Variants in CCSER1 observed in about 807,000 individuals in gnomAD.
CCSER1 encodes coiled-coil serine rich protein 1.
A neutral mutation model predicts 82.0 loss-of-function variants in CCSER1; 41 were observed. The observed-to-expected ratio is 0.50, with a 90% CI of 0.39 to 0.65. The LOEUF (loss-of-function observed/expected upper bound fraction) is 0.65, where lower values mean the gene tolerates loss of function less well. CCSER1 is among the 30% of genes least tolerant of loss of function. CCSER1 has a pLI of 0.00. For synonymous variants in CCSER1, 414 were observed against 383.9 expected (o/e 1.08, Z -0.92); for missense variants, 1,119 against 1,064.2 (o/e 1.05, Z -0.72).
chr4:90,783,036 G>A (rs1372132652), intron 7 of CCSER1, among the ~76,000 whole-genome samples: 2 of 152,004 alleles, frequency 1.3e-5, no homozygotes, highest in Non-Finnish European at 2.9e-5. Context: ...CTGCCTCCCT[G>A]GTTCAAGTAA....
intron 10 of CCSER1, among the ~76,000 whole-genome samples, chr4:91,150,422 C>T (rs1166278349): frequency 6.6e-6 from 1 of 152,176 alleles, no homozygotes; most frequent in East Asian, 1.9e-4. Flanking sequence ...ATGTCATCTG[C>T]AAACAGGGAC....
At chr4:90,358,694 T>C (rs1442930503) in intron 3 of CCSER1, among the ~76,000 whole-genome samples, 1 of 152,114 alleles carries the variant, frequency 6.6e-6, no homozygotes, top group Non-Finnish European at 1.5e-5. Context: ...GAAGATTACA[T>C]TTGGGGGAGA....
At position 90,427,244 on chromosome 4, in the gene CCSER1, A is replaced by C. The variant is rs367724024; in HGVS notation, c.1603+27115A>C. Among the ~76,000 whole-genome samples the C allele has an allele frequency of 2.6e-5, 4 of 151,936 alleles. No individual in the cohort carries two copies. In the East Asian group the frequency reaches 5.8e-4, roughly 22 times the overall value. On this transcript the variant is annotated intron_variant, in intron 4 of 10. Coordinates refer to ENST00000509176, the MANE Select transcript of CCSER1 (RefSeq NM_001145065.2). ...GTAACTAACATTGGAGAATTCGGAC[A>C]AAAATTATTAAATTATGTTAAAAAA...
At chr4:90,836,781 G>T (rs768395999) in intron 8 of CCSER1, among the ~76,000 whole-genome samples, 1 of 152,136 alleles carries the variant, frequency 6.6e-6, no homozygotes, top group Non-Finnish European at 1.5e-5. Flanking sequence ...TTCATCAAGT[G>T]TTCATCCCCT....
chr4:90,268,847 T>A (rs1725727167), intron 1 of CCSER1, among the ~76,000 whole-genome samples: 1 of 150,956 alleles, frequency 6.6e-6, no homozygotes, highest in African/African-American at 2.4e-5. Flanking sequence ...AATAAAGGAA[T>A]GTAAAAAGAT....
intron 10 of CCSER1, among the ~76,000 whole-genome samples, chr4:91,414,386 T>C (rs1753232143): frequency 6.6e-6 from 1 of 152,120 alleles, no homozygotes; most frequent in Non-Finnish European, 1.5e-5. Flanking sequence ...AGATGTTTTA[T>C]GTAAACCCAA....
At chr4:90,645,754 T>G (rs1285908276) in intron 6 of CCSER1, among the ~76,000 whole-genome samples, 1 of 152,210 alleles carries the variant, frequency 6.6e-6, no homozygotes, top group Non-Finnish European at 1.5e-5. Context: ...TTACTGCTTT[T>G]TAAACCTAAG....
intron 7 of CCSER1, among the ~76,000 whole-genome samples, chr4:90,803,724 T>A (rs1341005597): frequency 6.6e-6 from 1 of 152,090 alleles, no homozygotes; most frequent in African/African-American, 2.4e-5. Context: ...TGGGTATATA[T>A]CTGGTAATGG....
chr4:91,585,408 C>G (rs1264768423), intron 10 of CCSER1, among the ~76,000 whole-genome samples: 1 of 151,298 alleles, frequency 6.6e-6, no homozygotes, highest in Non-Finnish European at 1.5e-5. Context: ...ATATCAGAAA[C>G]TAAGGTAAAT....
intron 9 of CCSER1, among the ~76,000 whole-genome samples, chr4:91,054,935 G>A: frequency 6.6e-6 from 1 of 151,988 alleles, no homozygotes; most frequent in East Asian, 1.9e-4. Flanking sequence ...AACCCATTTT[G>A]CCAATCTCTG....
intron 1 of CCSER1, among the ~76,000 whole-genome samples, chr4:90,198,782 GAT>G (rs1737083988): frequency 1.3e-5 from 2 of 152,088 alleles, no homozygotes; most frequent in African/African-American, 4.8e-5. Flanking sequence ...TGAAAAAAGT[GAT>G]GAAGAATCAA....
At chr4:90,260,241 TTTG>T (rs1724077379) in intron 1 of CCSER1, among the ~76,000 whole-genome samples, 1 of 152,212 alleles carries the variant, frequency 6.6e-6, no homozygotes, top group African/African-American at 2.4e-5. Flanking sequence ...GGTTTTCTAG[TTTG>T]TGCATGTAAA....
intron 8 of CCSER1, among the ~76,000 whole-genome samples, chr4:90,821,181 A>C (rs1339514273): frequency 6.6e-6 from 1 of 152,158 alleles, no homozygotes; most frequent in Non-Finnish European, 1.5e-5. Context: ...GTTTTTATTT[A>C]ATGCATATCA....
intron 8 of CCSER1, among the ~76,000 whole-genome samples, chr4:90,875,439 A>T (rs1483158027): frequency 6.6e-6 from 1 of 152,174 alleles, no homozygotes; most frequent in Non-Finnish European, 1.5e-5. Flanking sequence ...AGAACAAATG[A>T]CTTCACATCT....
intron 3 of CCSER1, among the ~76,000 whole-genome samples, chr4:90,319,894 C>T (rs942614104): frequency 1.3e-5 from 2 of 152,142 alleles, no homozygotes; most frequent in African/African-American, 4.8e-5. Context: ...GAATCATTCT[C>T]CTCAATTCTT....
intron 10 of CCSER1, among the ~76,000 whole-genome samples, chr4:91,489,736 C>T (rs1433005533): frequency 2.6e-5 from 4 of 151,896 alleles, no homozygotes; most frequent in African/African-American, 9.7e-5. Flanking sequence ...TGCAGTGAGC[C>T]GAGATCGCTC....
At chr4:91,428,196 C>T (rs1165171841) in intron 10 of CCSER1, among the ~76,000 whole-genome samples, 3 of 151,980 alleles carry the variant, frequency 2.0e-5, no homozygotes, top group African/African-American at 4.8e-5. Context: ...AATTATCATC[C>T]ATCCACTTAC....
At chr4:91,540,830 T>A (rs1761553887) in intron 10 of CCSER1, among the ~76,000 whole-genome samples, 1 of 152,196 alleles carries the variant, frequency 6.6e-6, no homozygotes, top group Non-Finnish European at 1.5e-5. Flanking sequence ...TTGCCTTTGC[T>A]TCTTTTCAAA....
chr4:91,528,739 G>T (rs1225944616), intron 10 of CCSER1, among the ~76,000 whole-genome samples: 2 of 152,138 alleles, frequency 1.3e-5, no homozygotes, highest in Non-Finnish European at 2.9e-5. Flanking sequence ...ACTCCCTTCT[G>T]TGTAAAGTCT....
Sources: allele counts gnomAD v4.1 joint callset (sites outside exome capture counted in the v4.1 genomes callset), GRCh38; gene constraint gnomAD v4.1.1; transcripts MANE v1.5; gene names NCBI Gene and HGNC (gene_info 2026-07-23, HGNC 2026-07-21).